The following NTM variants were observed in gnomAD, a reference collection of about 807,000 sequenced individuals.
NTM encodes the protein IgLON family member 2.
A neutral mutation model predicts 42.1 loss-of-function variants in NTM; 13 were observed. That is an observed-to-expected ratio of 0.31 (90% CI 0.20 to 0.49). The LOEUF (loss-of-function observed/expected upper bound fraction) is 0.49. NTM is among the 20% of genes least tolerant of loss of function. NTM has a pLI of 0.99. For missense variants in NTM, 373 were observed against 452.8 expected (o/e 0.82, Z 1.60); for synonymous variants, 187 against 179.2 (o/e 1.04, Z -0.35).
chr11:131,633,571 A>G (rs115269877), intron 1 of NTM, among the ~76,000 whole-genome samples: 12 of 68,572 alleles, frequency 1.7e-4, no homozygotes, highest in Non-Finnish European at 3.4e-4. Context: ...CTCTCTCTCT[A>G]CCTCTCCATC....
chr11:132,206,625 G>A (rs77021946), intron 3 of NTM, among the ~76,000 whole-genome samples: 1,595 of 152,274 alleles, frequency 0.01, 34 homozygotes, highest in African/African-American at 0.036. Flanking sequence ...TAGTAGAGCC[G>A]GATCTCAGCC....
At chr11:131,390,509 T>C (rs1943866674) in intron 1 of NTM, among the ~76,000 whole-genome samples, 1 of 152,124 alleles carries the variant, frequency 6.6e-6, no homozygotes, top group Non-Finnish European at 1.5e-5. Flanking sequence ...ACTTGACCAG[T>C]GATGTAAAAT....
Position 131,986,217 on chromosome 11 carries a change from T to C in NTM, c.167+74569T>C, listed in dbSNP as rs1188827932. On this transcript the variant is annotated intron_variant, in intron 2 of 8. Transcript: ENST00000683400. Reference sequence around the variant, plus strand: ...CAACCATGACAGGTCCTTTGGCCGCTAAAGATGCAGCCCCTAGGGATATGT... The same window carrying C: ...CAACCATGACAGGTCCTTTGGCCGCCAAAGATGCAGCCCCTAGGGATATGT... Among the ~76,000 whole-genome samples the C allele has an allele frequency of 3.9e-5, 6 of 152,344 alleles. No homozygotes were observed. In the South Asian group the frequency reaches 8.3e-4, roughly 21 times the overall value.
intron 4 of NTM, among the ~76,000 whole-genome samples, chr11:132,230,551 A>C (rs2087310468): frequency 6.6e-6 from 1 of 152,174 alleles, no homozygotes. Flanking sequence ...GATGAACCTC[A>C]ACGCTCCCTT....
intron 4 of NTM, among the ~76,000 whole-genome samples, chr11:132,306,101 T>C (rs185350889): frequency 2.0e-5 from 3 of 152,346 alleles, no homozygotes; most frequent in Non-Finnish European, 2.9e-5. Context: ...AGACTTATCA[T>C]GGCCAAAGAG....
chr11:131,382,807 A>G (rs556204226), intron 1 of NTM, among the ~76,000 whole-genome samples: 86 of 152,228 alleles, frequency 5.6e-4, no homozygotes, highest in African/African-American at 1.3e-3. Flanking sequence ...GCCAGAGCAG[A>G]CTCTGCCAGC....
chr11:131,795,490 C>T (rs2091452962), intron 1 of NTM: 1 of 985,296 alleles, frequency 1.0e-6, no homozygotes, highest in Non-Finnish European at 1.2e-6. Context: ...TGCCTCCAAG[C>T]TGCCCTTTAT....
intron 1 of NTM, among the ~76,000 whole-genome samples, chr11:131,493,849 T>C (rs1013368227): frequency 6.6e-6 from 1 of 152,198 alleles, no homozygotes; most frequent in African/African-American, 2.4e-5. Context: ...GAGAACTCAC[T>C]ATCATGTTCA....
chr11:131,778,009 A>T (rs958699033), intron 1 of NTM, among the ~76,000 whole-genome samples: 1 of 152,222 alleles, frequency 6.6e-6, no homozygotes, highest in South Asian at 2.1e-4. Flanking sequence ...CAAGGGAATA[A>T]TCCAGAAGTG....
chr11:131,464,359 T>TGGGGG (rs143677319), intron 1 of NTM, among the ~76,000 whole-genome samples: 3 of 146,156 alleles, frequency 2.1e-5, no homozygotes, highest in African/African-American at 7.5e-5. Flanking sequence ...CAGGGAAAGC[T>TGGGGG]GGGGGGGGGG....
rs184442920 is a variant in NTM, at chr11:131,622,976, G to A, written c.82+252088G>A. Among the ~76,000 whole-genome samples, 345 of 152,328 alleles carry A rather than the reference G, an allele frequency of 2.3e-3. 5 individuals carry two copies. Among genetic ancestry groups the A allele is most frequent in the African/African-American group, 7.9e-3 (327 of 41,570 alleles). On this transcript the variant is annotated intron_variant, in intron 1 of 8. Transcript: ENST00000683400. ...CGTTCTCCTGAATAAAACAGAAAAA[G>A]AGAAAGAGGAAGAGGAAGGGAAATA...
chr11:131,502,001 G>T (rs1003822600), intron 1 of NTM, among the ~76,000 whole-genome samples: 1 of 152,130 alleles, frequency 6.6e-6, no homozygotes, highest in African/African-American at 2.4e-5. Context: ...AGGTGACTGG[G>T]TCTATGAGTT....
chr11:132,103,374 G>T (rs1163249997), intron 2 of NTM, among the ~76,000 whole-genome samples: 2 of 152,170 alleles, frequency 1.3e-5, no homozygotes, highest in Non-Finnish European at 2.9e-5. Flanking sequence ...TCTAATCTCG[G>T]GCATTTTGTT....
chr11:131,441,320 T>C (rs1949609288), intron 1 of NTM, among the ~76,000 whole-genome samples: 1 of 152,244 alleles, frequency 6.6e-6, no homozygotes, highest in Admixed American at 6.5e-5. Flanking sequence ...TTCCCAGAAC[T>C]AAATTCCTAA....
intron 1 of NTM, among the ~76,000 whole-genome samples, chr11:131,564,447 AGAGAGAGAGGGAGG>A (rs1369224743): frequency 8.2e-6 from 1 of 121,818 alleles, no homozygotes; most frequent in African/African-American, 3.9e-5. Flanking sequence ...GGGTAGGGGG[AGAGAGAGAGGGAGG>A]GAGAGAGAGA....
intron 1 of NTM, among the ~76,000 whole-genome samples, chr11:131,757,379 T>C (rs1460841752): frequency 1.3e-5 from 2 of 152,230 alleles, no homozygotes; most frequent in African/African-American, 2.4e-5. Context: ...ATGCATGGAC[T>C]CCAACTGTCT....
chr11:131,983,071 C>T (rs549628066), intron 2 of NTM, among the ~76,000 whole-genome samples: 55 of 147,432 alleles, frequency 3.7e-4, no homozygotes, highest in African/African-American at 1.3e-3. Flanking sequence ...TTTTTTTAGT[C>T]ATACTACATG....
intron 1 of NTM, among the ~76,000 whole-genome samples, chr11:131,680,715 G>T (rs2072452274): frequency 6.8e-6 from 1 of 145,996 alleles, no homozygotes; most frequent in Non-Finnish European, 1.5e-5. Flanking sequence ...CTGTGTGTGT[G>T]TGCATATGTT....
intron 4 of NTM, among the ~76,000 whole-genome samples, chr11:132,302,822 A>C (rs1352979164): frequency 6.6e-6 from 1 of 152,248 alleles, no homozygotes; most frequent in Non-Finnish European, 1.5e-5. Flanking sequence ...GTGTGCCCAC[A>C]GACTCCTCTA....
Sources: gnomAD v4.1 joint callset for allele counts (sites outside exome capture counted in the v4.1 genomes callset) on GRCh38, gnomAD v4.1.1 for gene constraint, MANE v1.5 for transcripts, NCBI Gene and HGNC (gene_info 2026-07-23, HGNC 2026-07-21) for gene names.